Variants in NXN observed in about 807,000 individuals in gnomAD.
NXN encodes the protein nucleoredoxin 1.
Under a neutral mutation model 48.6 loss-of-function variants are expected in NXN, and 16 were observed. That is an observed-to-expected ratio of 0.33 (90% CI 0.22 to 0.50). The LOEUF is 0.50. Among genes scored for constraint, NXN ranks in the 20% least tolerant of loss-of-function variants. The pLI is 0.98. For synonymous variants in NXN, 281 were observed against 269.6 expected, an observed-to-expected ratio of 1.04 and a Z score of -0.41; for missense variants, 492 against 605.5, an observed-to-expected ratio of 0.81 and a Z score of 1.97.
intron 1 of NXN, among the ~76,000 whole-genome samples, chr17:947,384 A>G (rs555731556): frequency 6.6e-6 from 1 of 152,150 alleles, no homozygotes; most frequent in Non-Finnish European, 1.5e-5. Flanking sequence ...GTTATGGACA[A>G]TGGGCCCTCT....
intron 1 of NXN, among the ~76,000 whole-genome samples, chr17:839,372 T>G (rs879683319): frequency 1.3e-5 from 2 of 151,486 alleles, no homozygotes; most frequent in African/African-American, 4.9e-5. Context: ...GAGGCGGAGG[T>G]TGCAGTGAGC....
chr17:799,385 C>T lies in NXN; in HGVS notation c.*1564G>A, dbSNP rs978505130. ...CCTGCTTTATTTCCTACGGGGTGAT[C>T]GCATTTCAGGCTGGTAACATCACAT... is the stretch of plus-strand genomic sequence containing the variant. On this transcript the variant is annotated 3_prime_UTR_variant, in exon 8 of 8. Transcript: ENST00000336868. 4 of 152,256 alleles carry T rather than the reference C, an allele frequency of 2.6e-5. No individual in the cohort carries two copies. Among genetic ancestry groups the T allele is most frequent in the South Asian group, 2.1e-4 (1 of 4,836 alleles). 9.4% of individuals were successfully genotyped at this position (152,256 alleles called of 1,614,324 possible).
intron 1 of NXN, among the ~76,000 whole-genome samples, chr17:941,931 C>A (rs113697773): frequency 5.3e-5 from 2 of 37,620 alleles, no homozygotes; most frequent in Admixed American, 3.9e-4. Flanking sequence ...GGATTTACAG[C>A]GAACAAGATT....
intron 1 of NXN, among the ~76,000 whole-genome samples, chr17:936,853 G>A (rs2068913334): frequency 6.6e-6 from 1 of 151,466 alleles, no homozygotes. Context: ...CATAAAACTG[G>A]GAGTGTTCCA....
chr17:878,100 C>T (rs9890891), intron 1 of NXN: 26,628 of 151,752 alleles, frequency 0.18, 2,473 homozygotes, highest in Middle Eastern at 0.24. Context: ...GCAATGACGC[C>T]GTAACAGAGA....
At chr17:808,674 C>A (rs1459077289) in intron 5 of NXN, among the ~76,000 whole-genome samples, 2 of 93,492 alleles carry the variant, frequency 2.1e-5, no homozygotes, top group Non-Finnish European at 2.2e-5. Context: ...TATTATAAAC[C>A]AGTTTTTTTT....
intron 1 of NXN, among the ~76,000 whole-genome samples, chr17:842,958 AAGAAAGAGAGAAAGAGAGAAAGAG>A (rs1263592986): frequency 6.7e-4 from 91 of 136,478 alleles, no homozygotes; most frequent in African/African-American, 1.9e-3. Flanking sequence ...AAAGGAAAGA[AAGAAAGAGAGAAAGAGAGAAAGAG>A]AGAAAGAGAG....
In NXN at chr17:806,781, G is replaced by A. The variant is rs141990307; in HGVS notation, c.821-1534C>T. The stretch of plus-strand genomic sequence containing the variant: ...GTACCCTGCTGCGGCCACCAGCACC[G>A]CGGGCGTGCCTGCCTTCGAAAGGAA... On this transcript the variant is annotated intron_variant, in intron 5 of 7. Coordinates refer to ENST00000336868, the MANE Select transcript of NXN (RefSeq NM_022463.5). Among the ~76,000 whole-genome samples the A allele has an allele frequency of 1.4e-3, 208 of 152,290 alleles. 4 individuals carry two copies. The highest frequency in any genetic ancestry group is 4.6e-3 in the African/African-American group (192 of 41,556).
At chr17:926,543 TTG>T (rs2068801466) in intron 1 of NXN, among the ~76,000 whole-genome samples, 1 of 67,112 alleles carries the variant, frequency 1.5e-5, no homozygotes, top group Non-Finnish European at 4.2e-5. Flanking sequence ...TGTTTTTTTT[TTG>T]TTTTTTTGTT....
chr17:928,709 AC>A (rs1384530039), intron 1 of NXN, among the ~76,000 whole-genome samples: 1 of 152,030 alleles, frequency 6.6e-6, no homozygotes, highest in Admixed American at 6.6e-5. Flanking sequence ...GGTGGTGGGC[AC>A]CTGTAATCCC....
At chr17:850,562 AG>A (rs776161216) in intron 1 of NXN, among the ~76,000 whole-genome samples, 2 of 152,108 alleles carry the variant, frequency 1.3e-5, no homozygotes, top group Admixed American at 6.5e-5. Flanking sequence ...TCCTCTGGGA[AG>A]GTTTTGCAAG....
intron 1 of NXN, among the ~76,000 whole-genome samples, chr17:964,203 G>A (rs1366713925): frequency 1.3e-5 from 2 of 152,202 alleles, no homozygotes; most frequent in Non-Finnish European, 2.9e-5. Flanking sequence ...ACAGTCAGCA[G>A]GAAAGCCATA....
intron 1 of NXN, among the ~76,000 whole-genome samples, chr17:967,054 C>T (rs1394196022): frequency 4.6e-5 from 7 of 152,084 alleles, no homozygotes; most frequent in Non-Finnish European, 7.4e-5. Flanking sequence ...GAGACGGTGA[C>T]CGTAGGGGCC....
chr17:877,530 C>T (rs1420515331), intron 1 of NXN, among the ~76,000 whole-genome samples: 1 of 152,166 alleles, frequency 6.6e-6, no homozygotes, highest in East Asian at 1.9e-4. Context: ...AGGCTGGGAA[C>T]AGAAAGATAA....
intron 1 of NXN, among the ~76,000 whole-genome samples, chr17:887,125 C>A (rs2068357217): frequency 6.6e-6 from 1 of 151,850 alleles, no homozygotes; most frequent in South Asian, 2.1e-4. Flanking sequence ...CCATGTTGCC[C>A]AGGCTGGTCT....
intron 1 of NXN, among the ~76,000 whole-genome samples, chr17:847,028 T>C (rs929885479): frequency 6.6e-6 from 1 of 152,100 alleles, no homozygotes; most frequent in Admixed American, 6.5e-5. Context: ...CAAATGCTAT[T>C]ATAAATTCCA....
At chr17:977,078 A>C (rs1431619439) in intron 1 of NXN, among the ~76,000 whole-genome samples, 2 of 152,136 alleles carry the variant, frequency 1.3e-5, no homozygotes, top group Non-Finnish European at 2.9e-5. Flanking sequence ...AATTCCTTTT[A>C]AAATCAGCAC....
Position 934,441 on chromosome 17 carries a change from G to A in NXN, c.360+44878C>T, listed in dbSNP as rs1276051518. Reference sequence around the variant, plus strand: ...AGCCTGGGCAACACAACGAGACTCTGTCTCAAAGAAAAAAAAAAAAAGTAC... The same window carrying A: ...AGCCTGGGCAACACAACGAGACTCTATCTCAAAGAAAAAAAAAAAAAGTAC... On this transcript the variant is annotated intron_variant, in intron 1 of 7. Transcript: ENST00000336868. Among the ~76,000 whole-genome samples the A allele has an allele frequency of 2.2e-5, 3 of 136,072 alleles. No homozygotes were observed. The Admixed American group carries it at 2.3e-4, about 10-fold the overall frequency. The allele number at this position is 136,072 out of a possible 152,430, so 89.3% of individuals were successfully genotyped here. A position where few individuals can be genotyped will look rare whatever the true frequency, so the allele number is the denominator to read the frequency against.
intron 1 of NXN, among the ~76,000 whole-genome samples, chr17:884,830 CAT>C (rs1206257554): frequency 6.6e-6 from 1 of 152,216 alleles, no homozygotes; most frequent in Non-Finnish European, 1.5e-5. Context: ...CCCGATAAAA[CAT>C]GTTTCTAGAA....
Sources: gnomAD v4.1 joint callset for allele counts (sites outside exome capture counted in the v4.1 genomes callset) on GRCh38, gnomAD v4.1.1 for gene constraint, MANE v1.5 for transcripts, NCBI Gene and HGNC (gene_info 2026-07-23, HGNC 2026-07-21) for gene names.